TCF20: variants seen among roughly 807,000 people sequenced by gnomAD.
TCF20 encodes SPRE-binding protein.
TCF20 carries 3 observed loss-of-function variants against 148.6 expected under a neutral mutation model. The ratio of observed to expected loss-of-function variants is 0.02; its 90% CI spans 0.01 to 0.05. The LOEUF (loss-of-function observed/expected upper bound fraction) is 0.05, where lower values mean the gene tolerates loss of function less well. Among genes scored for constraint, TCF20 ranks in the 10% least tolerant of loss-of-function variants. The pLI is 1.00. For synonymous variants in TCF20, 1,049 were observed against 909.5 expected, an observed-to-expected ratio of 1.15 and a Z score of -2.76; for missense variants, 2,350 against 2,429.3, an observed-to-expected ratio of 0.97 and a Z score of 0.69.
At chr22:42,247,310 G>C (rs1924999982) in intron 1 of TCF20, among the ~76,000 whole-genome samples, 1 of 151,676 alleles carries the variant, frequency 6.6e-6, no homozygotes, top group African/African-American at 2.4e-5. Context: ...CGTGGTGGCA[G>C]GCGCCTGTAA....
chr22:42,324,222 G>A (rs1052752250), intron 1 of TCF20, among the ~76,000 whole-genome samples: 8 of 150,706 alleles, frequency 5.3e-5, no homozygotes, highest in Admixed American at 1.3e-4. Flanking sequence ...AGGTGGTGAT[G>A]ATGGTGGTGA....
At chr22:42,312,977 T>C (rs1276987733) in intron 1 of TCF20, among the ~76,000 whole-genome samples, 1 of 152,142 alleles carries the variant, frequency 6.6e-6, no homozygotes, top group African/African-American at 2.4e-5. Flanking sequence ...GCTCACTGTT[T>C]CCTGTCCAGG....
chr22:42,308,107 A>T (rs1927467666), intron 1 of TCF20, among the ~76,000 whole-genome samples: 1 of 152,156 alleles, frequency 6.6e-6, no homozygotes, highest in Non-Finnish European at 1.5e-5. Context: ...TTTATCGTTA[A>T]TTCAATTCCA....
At chr22:42,342,649 C>T (rs1257575851) in intron 1 of TCF20, among the ~76,000 whole-genome samples, 2 of 152,194 alleles carry the variant, frequency 1.3e-5, no homozygotes, top group South Asian at 2.1e-4. Flanking sequence ...ACAGAGCCCT[C>T]GGGTCAGAAG....
chr22:42,229,093 G>A (rs1435858306), intron 1 of TCF20, among the ~76,000 whole-genome samples: 1 of 152,152 alleles, frequency 6.6e-6, no homozygotes, highest in African/African-American at 2.4e-5. Context: ...TCATTTAGAA[G>A]GTGGAGAAGA....
intron 1 of TCF20, among the ~76,000 whole-genome samples, chr22:42,236,306 CA>C (rs1271205283): frequency 6.6e-6 from 1 of 152,154 alleles, no homozygotes; most frequent in East Asian, 1.9e-4. Flanking sequence ...GGTGTAACAG[CA>C]CTCTGTGACA....
intron 1 of TCF20, among the ~76,000 whole-genome samples, chr22:42,324,984 G>A (rs1480170255): frequency 6.6e-6 from 1 of 152,216 alleles, no homozygotes; most frequent in East Asian, 1.9e-4. Flanking sequence ...TCTCCCCTTG[G>A]CCCTAGCCTG....
At chr22:42,243,827 A>G (rs1211704497) in intron 1 of TCF20, among the ~76,000 whole-genome samples, 1 of 152,186 alleles carries the variant, frequency 6.6e-6, no homozygotes, top group African/African-American at 2.4e-5. Context: ...TTTCTCTTAA[A>G]AAGTTAATGT....
chr22:42,318,626 C>T (rs926310891), intron 1 of TCF20, among the ~76,000 whole-genome samples: 1 of 152,124 alleles, frequency 6.6e-6, no homozygotes, highest in Non-Finnish European at 1.5e-5. Flanking sequence ...CTAGCACTGC[C>T]CAGCCAAGCC....
At chr22:42,173,290 C>G (rs190720494) in intron 3 of TCF20, among the ~76,000 whole-genome samples, 3 of 151,760 alleles carry the variant, frequency 2.0e-5, no homozygotes, top group Non-Finnish European at 4.4e-5. Flanking sequence ...TGTAACCCCC[C>G]CCACCTGGAG....
At chr22:42,312,725 C>T (rs6002683) in intron 1 of TCF20, among the ~76,000 whole-genome samples, 84,632 of 151,998 alleles carry the variant, frequency 0.56, 24,213 homozygotes, top group African/African-American at 0.68. Flanking sequence ...TCAGGCTCCC[C>T]ATCTGCAAGA....
chr22:42,165,724 A>G (rs1935742994), intron 5 of TCF20, among the ~76,000 whole-genome samples: 1 of 152,238 alleles, frequency 6.6e-6, no homozygotes, highest in African/African-American at 2.4e-5. Flanking sequence ...ACCCACAGCT[A>G]GGCATGGCAG....
At chr22:42,327,356 G>A (rs999505125) in intron 1 of TCF20, among the ~76,000 whole-genome samples, 3 of 152,172 alleles carry the variant, frequency 2.0e-5, no homozygotes, top group African/African-American at 7.2e-5. Context: ...ACCCTGCTGA[G>A]GGAAGGCACC....
intron 1 of TCF20, among the ~76,000 whole-genome samples, chr22:42,304,088 G>A (rs527558349): frequency 7.9e-5 from 12 of 151,888 alleles, no homozygotes; most frequent in Non-Finnish European, 1.8e-4. Context: ...CGTCCTTTGA[G>A]GTTTGGCGGT....
chr22:42,291,463 A>G (rs1371725151), intron 1 of TCF20, among the ~76,000 whole-genome samples: 3 of 152,172 alleles, frequency 2.0e-5, no homozygotes, highest in African/African-American at 7.2e-5. Flanking sequence ...TGGAGGTCAT[A>G]GGCCTCAGGG....
At chr22:42,178,904 T>C (rs1286962125) in intron 3 of TCF20, among the ~76,000 whole-genome samples, 1 of 152,012 alleles carries the variant, frequency 6.6e-6, no homozygotes, top group Non-Finnish European at 1.5e-5. Flanking sequence ...AGGATGTGAA[T>C]AGCTATTTCT....
At chr22:42,328,568 G>C in intron 1 of TCF20, among the ~76,000 whole-genome samples, 1 of 152,142 alleles carries the variant, frequency 6.6e-6, no homozygotes, top group Admixed American at 6.5e-5. Context: ...AGATCACCCA[G>C]GATCAAATGC....
chr22:42,304,875 T>G lies in TCF20; in HGVS notation c.-37+38604A>C, dbSNP rs1273635545. On this transcript the variant is annotated intron_variant, in intron 1 of 1. Coordinates refer to the TCF20 transcript ENST00000515426. The stretch of plus-strand genomic sequence containing the variant: ...ACAGCTAAGGTCGGGCGCTGGGGCC[T>G]GTTCCAGGCTGAAGACTGGAGTCCC... Among the ~76,000 whole-genome samples the G allele has an allele frequency of 2.0e-5, 3 of 152,208 alleles. No homozygotes were observed. The East Asian group carries it at 5.8e-4, about 29-fold the overall frequency.
chr22:42,215,887 G>A (rs1203540948), intron 1 of TCF20, among the ~76,000 whole-genome samples: 4 of 152,026 alleles, frequency 2.6e-5, no homozygotes, highest in African/African-American at 9.7e-5. Context: ...CACTCTGAGT[G>A]CATACAAACC....
Sources: gnomAD v4.1 joint callset for allele counts (sites outside exome capture counted in the v4.1 genomes callset) on GRCh38, gnomAD v4.1.1 for gene constraint, MANE v1.5 for transcripts, NCBI Gene and HGNC (gene_info 2026-07-23, HGNC 2026-07-21) for gene names.